Variants in MSRA observed in about 807,000 individuals in gnomAD.
MSRA encodes the protein methionine sulfoxide reductase A, also known as mitochondrial peptide methionine sulfoxide reductase.
Under a neutral mutation model 31.3 loss-of-function variants are expected in MSRA, and 54 were observed. That is an observed-to-expected ratio of 1.73 (90% confidence interval 1.39 to 2.17). The LOEUF (loss-of-function observed/expected upper bound fraction) is 2.17, where lower values mean the gene tolerates loss of function less well. MSRA is among the 30% of genes most tolerant of loss of function. The probability of loss-of-function intolerance (pLI) is 0.00; values close to 1 mark genes in which losing one functional copy is unlikely to be tolerated. For synonymous variants in MSRA, 169 were observed against 116.5 expected (o/e 1.45, Z -2.90); for missense variants, 507 against 300.9 (o/e 1.69, Z -5.07).
intron 5 of MSRA, among the ~76,000 whole-genome samples, chr8:10,388,189 C>T (rs1388082531): frequency 6.6e-6 from 1 of 152,138 alleles, no homozygotes; most frequent in Non-Finnish European, 1.5e-5. Flanking sequence ...CCCTCTTCAG[C>T]TGAAATGAAG....
At position 10,184,035 on chromosome 8, in the gene MSRA, G is replaced by T. The variant is rs552776951; in HGVS notation, c.143-23798G>T. 1.9e-4 allele frequency among the ~76,000 whole-genome samples: 28 copies of T among 151,270 alleles called. No homozygotes were observed. In the East Asian group the frequency reaches 5.5e-3, roughly 29 times the overall value. On this transcript the variant is annotated intron_variant, in intron 1 of 5. Transcript: ENST00000317173. ...GGTGGTGTTGGTGGTGTTGGTCTTG[G>T]TGGTGTTCGTGATGTTGTTGGTGTT...
intron 2 of MSRA, among the ~76,000 whole-genome samples, chr8:10,229,264 A>G (rs758580879): frequency 3.9e-5 from 6 of 152,186 alleles, no homozygotes; most frequent in Admixed American, 2.6e-4. Flanking sequence ...AGGTCAATAT[A>G]TGAAGACGCA....
At chr8:10,403,763 G>C (rs1180998311) in intron 5 of MSRA, among the ~76,000 whole-genome samples, 1 of 152,240 alleles carries the variant, frequency 6.6e-6, no homozygotes, top group Admixed American at 6.5e-5. Flanking sequence ...GTGGCTTCCA[G>C]GCTCAGGCTG....
chr8:10,092,472 C>T (rs1254931611), intron 1 of MSRA, among the ~76,000 whole-genome samples: 4 of 152,084 alleles, frequency 2.6e-5, no homozygotes, highest in African/African-American at 9.7e-5. Context: ...TCCTGGCCAA[C>T]ATGTGTGAAA....
intron 1 of MSRA, among the ~76,000 whole-genome samples, chr8:10,206,076 G>A (rs767246042): frequency 1.2e-4 from 18 of 152,184 alleles, no homozygotes; most frequent in East Asian, 5.8e-4. Flanking sequence ...GTATTCTTAC[G>A]AGTGGGATTC....
chr8:10,289,628 G>C (rs983663416), intron 3 of MSRA, among the ~76,000 whole-genome samples: 9 of 152,156 alleles, frequency 5.9e-5, no homozygotes, highest in Non-Finnish European at 1.5e-5. Flanking sequence ...CCATCGCATG[G>C]AGAGTTTAGA....
chr8:10,368,035 G>A (rs977757076), intron 5 of MSRA, among the ~76,000 whole-genome samples: 2 of 152,272 alleles, frequency 1.3e-5, no homozygotes, highest in South Asian at 2.1e-4. Flanking sequence ...GCTGCCGGAC[G>A]GTAGAATTCC....
intron 1 of MSRA, among the ~76,000 whole-genome samples, chr8:10,068,959 C>G (rs1253304700): frequency 6.6e-6 from 1 of 152,178 alleles, no homozygotes; most frequent in Admixed American, 6.6e-5. Context: ...TTTCTTTCAT[C>G]AGATTTTTAG....
At chr8:10,187,249 C>A (rs1291084723) in intron 1 of MSRA, among the ~76,000 whole-genome samples, 1 of 152,172 alleles carries the variant, frequency 6.6e-6, no homozygotes, top group Admixed American at 6.5e-5. Context: ...GAAACTTGGC[C>A]GGTGATACCT....
At chr8:10,271,589 T>G (rs929967023) in intron 3 of MSRA, among the ~76,000 whole-genome samples, 3 of 20,606 alleles carry the variant, frequency 1.5e-4, no homozygotes, top group African/African-American at 3.8e-4. Flanking sequence ...CAATTAAAAA[T>G]TGTTTTATCT....
chr8:10,337,524 C>T (rs902972595), intron 5 of MSRA: 4 of 585,866 alleles, frequency 6.8e-6, no homozygotes, highest in African/African-American at 1.9e-5. Context: ...CTGTGTGCTA[C>T]TAGGCTACAG....
intron 1 of MSRA, among the ~76,000 whole-genome samples, chr8:10,108,524 T>C (rs1756030221): frequency 6.6e-6 from 1 of 152,212 alleles, no homozygotes. Flanking sequence ...TATATTTTGG[T>C]ACATTTAGAG....
chr8:10,172,616 G>T lies in MSRA; in HGVS notation c.143-35217G>T, dbSNP rs10109539. On this transcript the variant is annotated intron_variant, in intron 1 of 5. Coordinates refer to ENST00000317173, the MANE Select transcript of MSRA (RefSeq NM_012331.5). ...AGACTTAGAACTCAGTCTTAAGGGG[G>T]CAAAAGAAATGGCTCCACTTGATAT... is the stretch of plus-strand genomic sequence containing the variant. Among the ~76,000 whole-genome samples, 697 of 152,206 alleles carry T rather than the reference G, an allele frequency of 4.6e-3. 12 individuals carry two copies. Among genetic ancestry groups the T allele is most frequent in the African/African-American group, 0.016 (654 of 41,518 alleles).
rs149407962 is a variant in MSRA, at chr8:10,242,918, T to G, written c.212-2186T>G. Reference sequence around the variant, plus strand: ...CCTGAGACGCTGTTTCAGCCACACGTGGCACCCCAGACCCTTGCCCACCTG... The same window carrying G: ...CCTGAGACGCTGTTTCAGCCACACGGGGCACCCCAGACCCTTGCCCACCTG... On this transcript the variant is annotated intron_variant, in intron 2 of 5. Coordinates refer to ENST00000317173, the MANE Select transcript of MSRA (RefSeq NM_012331.5). Among the ~76,000 whole-genome samples the G allele has an allele frequency of 7.9e-3, 1,197 of 152,314 alleles. 19 individuals are homozygous for G. Among genetic ancestry groups the G allele is most frequent in the African/African-American group, 0.028 (1,150 of 41,568 alleles).
At chr8:10,341,717 A>T (rs968414024) in intron 5 of MSRA, among the ~76,000 whole-genome samples, 1 of 152,192 alleles carries the variant, frequency 6.6e-6, no homozygotes, top group Admixed American at 6.5e-5. Context: ...GTAGCTAATC[A>T]TATGAACCTC....
intron 1 of MSRA, among the ~76,000 whole-genome samples, chr8:10,134,044 T>A (rs540061690): frequency 1.4e-4 from 22 of 152,300 alleles, no homozygotes; most frequent in African/African-American, 5.3e-4. Context: ...TTGGCCAGCC[T>A]GGTCTCCCAA....
At chr8:10,421,867 T>C (rs1393314826) in intron 5 of MSRA, among the ~76,000 whole-genome samples, 1 of 151,960 alleles carries the variant, frequency 6.6e-6, no homozygotes, top group East Asian at 1.9e-4. Context: ...GCCATAGAAA[T>C]GGGGATTCCA....
intron 4 of MSRA, among the ~76,000 whole-genome samples, chr8:10,310,763 G>A (rs1801391248): frequency 6.6e-6 from 1 of 152,228 alleles, no homozygotes; most frequent in African/African-American, 2.4e-5. Flanking sequence ...ATCGAAGCCT[G>A]ATGTTCTTTC....
intron 5 of MSRA, among the ~76,000 whole-genome samples, chr8:10,372,093 A>T (rs879298988): frequency 1.3e-5 from 2 of 152,162 alleles, no homozygotes; most frequent in Non-Finnish European, 2.9e-5. Context: ...TGAGTCTGGG[A>T]TGATAGAGCA....
Sources: allele counts gnomAD v4.1 joint callset (sites outside exome capture counted in the v4.1 genomes callset), GRCh38; gene constraint gnomAD v4.1.1; transcripts MANE v1.5; gene names NCBI Gene and HGNC (gene_info 2026-07-23, HGNC 2026-07-21).